The following GRAMD1B variants were observed in gnomAD, a reference collection of about 807,000 sequenced individuals.
The protein encoded by GRAMD1B is protein Aster-B.
A neutral mutation model predicts 99.7 loss-of-function variants in GRAMD1B; 37 were observed. The ratio of observed to expected loss-of-function variants is 0.37; its 90% CI spans 0.29 to 0.49. The LOEUF is 0.49. Among genes scored for constraint, GRAMD1B ranks in the 20% least tolerant of loss-of-function variants. The probability of loss-of-function intolerance (pLI) is 0.98; values close to 1 mark genes in which losing one functional copy is unlikely to be tolerated. For missense variants in GRAMD1B, 888 were observed against 1,009.2 expected, an observed-to-expected ratio of 0.88 and a Z score of 1.63; for synonymous variants, 427 against 387.6, an observed-to-expected ratio of 1.10 and a Z score of -1.19.
chr11:123,465,626 G>A (rs777535349), intron 1 of GRAMD1B, among the ~76,000 whole-genome samples: 10 of 151,782 alleles, frequency 6.6e-5, no homozygotes, highest in East Asian at 3.9e-4. Context: ...AAAATTAGCC[G>A]GGTGTGGTGG....
intron 2 of GRAMD1B, among the ~76,000 whole-genome samples, chr11:123,543,876 G>A (rs1367568372): frequency 6.6e-6 from 1 of 152,208 alleles, no homozygotes. Flanking sequence ...GACTGCTCTT[G>A]CCCTATCACA....
chr11:123,604,322 G>C (rs1361573353), intron 9 of GRAMD1B, among the ~76,000 whole-genome samples: 1 of 152,222 alleles, frequency 6.6e-6, no homozygotes, highest in Non-Finnish European at 1.5e-5. Flanking sequence ...CTCAGTGAGG[G>C]AAAGAAGCAG....
intron 4 of GRAMD1B, among the ~76,000 whole-genome samples, chr11:123,592,820 G>A (rs536383852): frequency 2.0e-5 from 3 of 152,290 alleles, no homozygotes; most frequent in Admixed American, 1.3e-4. Context: ...CCGTTTGGCC[G>A]TGCGTGGCTC....
chr11:123,584,771 T>C (rs1431153648), intron 4 of GRAMD1B, among the ~76,000 whole-genome samples: 1 of 152,118 alleles, frequency 6.6e-6, no homozygotes, highest in East Asian at 1.9e-4. Context: ...GTGCTGGGAT[T>C]TGACCCCTGT....
At chr11:123,405,869 A>C (rs1399596915) in intron 1 of GRAMD1B, among the ~76,000 whole-genome samples, 1 of 152,198 alleles carries the variant, frequency 6.6e-6, no homozygotes, top group Non-Finnish European at 1.5e-5. Flanking sequence ...ACATCAGACC[A>C]GGTTGCTTTA....
At chr11:123,611,971 G>A (rs146188892) in intron 14 of GRAMD1B, among the ~76,000 whole-genome samples, 1 of 152,206 alleles carries the variant, frequency 6.6e-6, no homozygotes, top group Non-Finnish European at 1.5e-5. Context: ...GATACTGCAG[G>A]GGGTATGGAC....
In GRAMD1B at chr11:123,610,360, G is replaced by T; in HGVS notation, c.1919+22G>T. ...TCAGGTGTGGTGTGTGGAAGTCCCAGTGCGGTCAGACGGGGGTCCTTACCT... is the reference window on the plus strand; with the variant it reads ...TCAGGTGTGGTGTGTGGAAGTCCCATTGCGGTCAGACGGGGGTCCTTACCT... On this transcript the variant is annotated intron_variant, in intron 14 of 19. Transcript: ENST00000635736. This position sits in a 1 kb window ranked among gnomAD's most constrained non-coding sequence, Gnocchi z 4.1. 1 of 1,612,912 alleles carries T rather than the reference G, an allele frequency of 6.2e-7. No individual in the cohort carries two copies. Among genetic ancestry groups the T allele is most frequent in the Non-Finnish European group, 8.5e-7 (1 of 1,178,990 alleles).
Position 123,488,517 on chromosome 11 carries a change from C to G in GRAMD1B, c.452+7624C>G, listed in dbSNP as rs140032680. The stretch of plus-strand genomic sequence containing the variant: ...CCAAGATGAAGACATGGTCCCTGCT[C>G]TTGAGTAATTTTTCAGCCCAGTGAC... On this transcript the variant is annotated intron_variant, in intron 2 of 19. Transcript: ENST00000635736. Among the ~76,000 whole-genome samples, 607 of 152,342 alleles carry G rather than the reference C, an allele frequency of 4.0e-3. 6 individuals are homozygous for G. The highest frequency in any genetic ancestry group is 0.031 in the Admixed American group (472 of 15,304).
At chr11:123,608,829 C>T (rs559869632) in intron 12 of GRAMD1B, 27 bp downstream of exon 12, 1 of 1,384,200 alleles carries the variant, frequency 7.2e-7, no homozygotes, top group East Asian at 2.5e-5. Context: ...CTGTACCCCC[C>T]ATTCCTCCCT....
chr11:123,544,190 A>T (rs538669996), intron 2 of GRAMD1B, among the ~76,000 whole-genome samples: 1 of 152,252 alleles, frequency 6.6e-6, no homozygotes, highest in Non-Finnish European at 1.5e-5. Flanking sequence ...CAAGACACAC[A>T]TGGAGTGGCT....
Position 123,430,855 on chromosome 11 carries a change from G to C in GRAMD1B, c.63G>C (p.Gln21His). The change falls in exon 1 of 20, where the codon CAG becomes CAC. Residue 21 changes from glutamine (Q) to histidine (H), a missense_variant. By Grantham distance (24) the Gln-to-His change is conservative. This residue lies in a region of GRAMD1B where 233 missense variants were observed against 154.6 expected (regional missense o/e 1.51). Coordinates refer to ENST00000635736, the MANE Select transcript of GRAMD1B (RefSeq NM_001387025.1). Reference sequence around the variant, plus strand: ...CCGCCCTGCAGGTGCCCGAGCCGCAGGGTGCGCCCGAGGGCAGCCCGGTCT... The same window carrying C: ...CCGCCCTGCAGGTGCCCGAGCCGCACGGTGCGCCCGAGGGCAGCCCGGTCT... Reference protein sequence around the residue: ...PLPALQVPEPQGAPEGSPVWS... With the variant: ...PLPALQVPEPHGAPEGSPVWS... 1 of 701,026 alleles carries C rather than the reference G, an allele frequency of 1.4e-6. No homozygotes were observed. The highest frequency in any genetic ancestry group is 2.6e-6 in the Non-Finnish European group (1 of 384,166). The allele number at this position is 701,026 out of a possible 1,614,324, so 43.4% of individuals were successfully genotyped here. A position where few individuals can be genotyped will look rare whatever the true frequency, so the allele number is the denominator to read the frequency against.
chr11:123,394,310 C>A (rs1947381602), intron 1 of GRAMD1B, among the ~76,000 whole-genome samples: 1 of 152,198 alleles, frequency 6.6e-6, no homozygotes, highest in Non-Finnish European at 1.5e-5. Context: ...CATTGAGATT[C>A]CTTCTGCTCT....
chr11:123,560,226 C>CT, intron 2 of GRAMD1B: 1 of 1,051,764 alleles, frequency 9.5e-7, no homozygotes, highest in South Asian at 3.1e-5. Flanking sequence ...GGGTGCGTGT[C>CT]TGAGTGTGTC....
intron 1 of GRAMD1B, among the ~76,000 whole-genome samples, chr11:123,445,197 AGT>A (rs1193887238): frequency 6.6e-6 from 1 of 152,168 alleles, no homozygotes; most frequent in Non-Finnish European, 1.5e-5. Context: ...AAGTGGGAAG[AGT>A]GTTGTCAGGT....
chr11:123,462,891 T>TAAATAAAAAAAA (rs1950497568), intron 1 of GRAMD1B, among the ~76,000 whole-genome samples: 2 of 111,398 alleles, frequency 1.8e-5, no homozygotes, highest in Non-Finnish European at 4.0e-5. Flanking sequence ...AAAAATAAAT[T>TAAATAAAAAAAA]AAAAAAAAAA....
intron 6 of GRAMD1B, among the ~76,000 whole-genome samples, chr11:123,595,706 C>G (rs911428931): frequency 2.0e-5 from 3 of 152,172 alleles, no homozygotes; most frequent in Non-Finnish European, 4.4e-5. Context: ...TTAGAAAGCT[C>G]TTTGCCCAAG....
chr11:123,549,976 C>T lies in GRAMD1B; in HGVS notation c.453-27391C>T, dbSNP rs555090893. 9.2e-5 allele frequency among the ~76,000 whole-genome samples: 14 copies of T among 152,236 alleles called. No individual in the cohort carries two copies. The Middle Eastern group carries it at 0.01, about 111-fold the overall frequency. On this transcript the variant is annotated intron_variant, in intron 2 of 19. Coordinates refer to ENST00000635736, the MANE Select transcript of GRAMD1B (RefSeq NM_001387025.1). ...GTCCATAGATGTGAATAATCCACAT[C>T]GTAGGTACACCCAGACAGGACCTGG...
intron 2 of GRAMD1B, among the ~76,000 whole-genome samples, chr11:123,482,233 G>T (rs1951652266): frequency 6.6e-6 from 1 of 151,962 alleles, no homozygotes; most frequent in South Asian, 2.1e-4. Flanking sequence ...GGAGTAATTG[G>T]GATTACAGGC....
intron 2 of GRAMD1B, among the ~76,000 whole-genome samples, chr11:123,500,218 G>C (rs1939718217): frequency 6.6e-6 from 1 of 152,200 alleles, no homozygotes; most frequent in South Asian, 2.1e-4. Flanking sequence ...CTACTTGGGA[G>C]GCTGAGGCAG....
Sources: allele counts gnomAD v4.1 joint callset (sites outside exome capture counted in the v4.1 genomes callset), GRCh38; gene constraint gnomAD v4.1.1; regional missense constraint gnomAD v4.1.1; non-coding constraint Gnocchi (gnomAD v3.1); transcripts MANE v1.5; gene names NCBI Gene and HGNC (gene_info 2026-07-23, HGNC 2026-07-21).